The following PCSK6 variants were observed in gnomAD, a reference collection of about 807,000 sequenced individuals.
PCSK6 encodes paired basic amino acid cleaving enzyme 4.
A neutral mutation model predicts 123.3 loss-of-function variants in PCSK6; 85 were observed. The ratio of observed to expected loss-of-function variants is 0.69; its 90% CI spans 0.58 to 0.83. The LOEUF is 0.83. Among genes scored for constraint, PCSK6 ranks in the 40% least tolerant of loss-of-function variants. PCSK6 has a pLI of 0.00. For missense variants in PCSK6, 1,191 were observed against 1,282.3 expected (o/e 0.93, Z 1.09); for synonymous variants, 508 against 516.0 (o/e 0.98, Z 0.21).
chr15:101,362,510 G>A (rs1274989682), intron 13 of PCSK6, among the ~76,000 whole-genome samples: 1 of 152,166 alleles, frequency 6.6e-6, no homozygotes. Flanking sequence ...GCAGGGGTAT[G>A]TGCGAGAGGA....
chr15:101,405,340 G>A (rs1419449427), intron 6 of PCSK6, among the ~76,000 whole-genome samples: 3 of 152,222 alleles, frequency 2.0e-5, no homozygotes, highest in African/African-American at 7.2e-5. Flanking sequence ...TGGGCATGCT[G>A]GGTTCAGAGC....
At chr15:101,355,871 G>A (rs199713929) in intron 13 of PCSK6, among the ~76,000 whole-genome samples, 6 of 152,156 alleles carry the variant, frequency 3.9e-5, no homozygotes, top group African/African-American at 1.2e-4. Flanking sequence ...AACCACCAAC[G>A]TAGGCTCCGA....
chr15:101,389,556 C>T lies in PCSK6; in HGVS notation c.1218G>A (p.Thr406=), dbSNP rs1413678868. 7.4e-6 allele frequency: 12 copies of T among 1,611,148 alleles called. No homozygotes were observed. Among genetic ancestry groups the T allele is most frequent in the South Asian group, 1.1e-5 (1 of 90,924 alleles). ...GAFYERKIVT[T]DLRQRCTDGH... ...CATCGGTACAGCGCTGACGCAGATC[C>T]GTGGTGACCTGGGGGAGAGAGAAGC... The change falls in exon 9 of 22, where the codon ACG becomes ACA. Residue 406 remains threonine, a synonymous_variant. Coordinates refer to ENST00000611716, the MANE Select transcript of PCSK6 (RefSeq NM_002570.5).
At chr15:101,440,422 T>A (rs2141143875) in intron 2 of PCSK6, among the ~76,000 whole-genome samples, 1 of 151,598 alleles carries the variant, frequency 6.6e-6, no homozygotes, top group East Asian at 1.9e-4. Context: ...GTCCTGCTGC[T>A]GACACCCCCT....
At position 101,366,301 on chromosome 15, in the gene PCSK6, T is replaced by C. The variant is rs1596240234; in HGVS notation, c.1753A>G (p.Asn585Asp). The C allele has an allele frequency of 2.5e-6, 4 of 1,613,314 alleles. No individual in the cohort carries two copies. Among genetic ancestry groups the C allele is most frequent in the South Asian group, 1.1e-5 (1 of 90,912 alleles). The part of the protein sequence containing the change: ...LLDLSNEGFT[N>D]WEFMTVHCWG... Reference sequence around the variant, plus strand: ...CAGTGGACAGTCATGAATTCCCAGTTTGTAAACCCTTCATTGGAAAGATCC... The same window carrying C: ...CAGTGGACAGTCATGAATTCCCAGTCTGTAAACCCTTCATTGGAAAGATCC... The change falls in exon 13 of 22, where the codon AAC (asparagine) becomes GAC (aspartate). Residue 585 changes from asparagine (N) to aspartate (D), a missense_variant. Coordinates refer to ENST00000611716, the MANE Select transcript of PCSK6 (RefSeq NM_002570.5).
chr15:101,403,702 C>T (rs2042679424), intron 6 of PCSK6, among the ~76,000 whole-genome samples: 1 of 151,694 alleles, frequency 6.6e-6, no homozygotes, highest in Non-Finnish European at 1.5e-5. Flanking sequence ...ATTATTCATG[C>T]CATTGCCTTT....
At chr15:101,307,597 G>A (rs2039755228) in intron 20 of PCSK6, 3 of 392,438 alleles carry the variant, frequency 7.6e-6, no homozygotes, top group Admixed American at 3.8e-5. Flanking sequence ...AGGCCTCCGA[G>A]GCTTCCCGCA....
At chr15:101,306,782 C>G (rs995525603) in intron 21 of PCSK6, among the ~76,000 whole-genome samples, 2 of 152,238 alleles carry the variant, frequency 1.3e-5, no homozygotes, top group East Asian at 3.8e-4. Flanking sequence ...ATTGCTGCTG[C>G]TGAGCGTGTG....
intron 13 of PCSK6, among the ~76,000 whole-genome samples, chr15:101,342,945 G>A (rs1488941828): frequency 6.6e-6 from 1 of 152,008 alleles, no homozygotes; most frequent in East Asian, 1.9e-4. Flanking sequence ...AACAAAGTGG[G>A]GACTGTTTCC....
At position 101,408,126 on chromosome 15, in the gene PCSK6, T is replaced by C. The variant is rs2042833743; in HGVS notation, c.824-9550A>G. ...CAGGACAGCAGGCTTCTGAGCCAGA[T>C]GGAGCACCCGTACATCTGCACCACA... On this transcript the variant is annotated intron_variant, in intron 6 of 21. Coordinates refer to ENST00000611716, the MANE Select transcript of PCSK6 (RefSeq NM_002570.5). 3.3e-5 allele frequency among the ~76,000 whole-genome samples: 5 copies of C among 152,142 alleles called. 1 individual carries two copies. The highest frequency in any genetic ancestry group is 4.8e-5 in the African/African-American group (2 of 41,438).
At chr15:101,450,959 G>A (rs1215448106) in intron 1 of PCSK6, among the ~76,000 whole-genome samples, 1 of 151,732 alleles carries the variant, frequency 6.6e-6, no homozygotes, top group Non-Finnish European at 1.5e-5. Context: ...CACCAGCCAT[G>A]AGAAGAACTC....
intron 13 of PCSK6, among the ~76,000 whole-genome samples, chr15:101,360,447 G>A (rs966332802): frequency 6.6e-6 from 1 of 152,024 alleles, no homozygotes. Flanking sequence ...CTGCAGCCTC[G>A]GGGGCCTCTC....
chr15:101,331,721 G>A, intron 14 of PCSK6, 32 bp from the exon 15 acceptor site: 1 of 1,560,632 alleles, frequency 6.4e-7, no homozygotes, highest in Non-Finnish European at 8.6e-7. Flanking sequence ...TGATTATTAT[G>A]ACTCCCAGGC....
At chr15:101,479,447 G>C (rs891984075) in intron 1 of PCSK6, among the ~76,000 whole-genome samples, 52 of 152,212 alleles carry the variant, frequency 3.4e-4, no homozygotes, top group African/African-American at 1.1e-3. Context: ...GGGAGGCAGG[G>C]AAGCCAGTGA....
At chr15:101,328,162 C>T (rs1272255522) in intron 15 of PCSK6, among the ~76,000 whole-genome samples, 2 of 152,230 alleles carry the variant, frequency 1.3e-5, no homozygotes, top group Non-Finnish European at 2.9e-5. Context: ...TTCCCACCCT[C>T]GCAGCTGGCC....
At chr15:101,429,122 C>T (rs1230001403) in intron 5 of PCSK6, among the ~76,000 whole-genome samples, 1 of 152,154 alleles carries the variant, frequency 6.6e-6, no homozygotes, top group Non-Finnish European at 1.5e-5. Flanking sequence ...CGGGAGACGC[C>T]CCTCAGCAAG....
In PCSK6 at chr15:101,379,804, G is replaced by GAT. The variant is rs555977669; in HGVS notation, c.1532+2286_1532+2287dup. Among the ~76,000 whole-genome samples the GAT allele has an allele frequency of 6.8e-4, 103 of 152,336 alleles. No individual in the cohort carries two copies. In the Middle Eastern group the frequency reaches 0.01, roughly 15 times the overall value. On this transcript the variant is annotated intron_variant, in intron 11 of 21. Transcript: ENST00000611716. ...TGGGGAAAACTCGCATAGCTGTGGG[G>GAT]ATACTCGCGGCTCAGGTGCAGATGA... is the stretch of plus-strand genomic sequence containing the variant.
chr15:101,391,429 C>G (rs989650776), intron 8 of PCSK6, among the ~76,000 whole-genome samples: 2 of 152,176 alleles, frequency 1.3e-5, no homozygotes, highest in African/African-American at 4.8e-5. Context: ...AGGGGCCTAC[C>G]CTGGGAGGGA....
intron 2 of PCSK6, among the ~76,000 whole-genome samples, chr15:101,437,682 G>A (rs552667050): frequency 3.9e-5 from 6 of 152,296 alleles, no homozygotes; most frequent in Admixed American, 1.3e-4. Flanking sequence ...GGGACAGTGC[G>A]TGTGAAAGCT....
Sources: allele counts gnomAD v4.1 joint callset (sites outside exome capture counted in the v4.1 genomes callset), GRCh38; gene constraint gnomAD v4.1.1; transcripts MANE v1.5; gene names NCBI Gene and HGNC (gene_info 2026-07-23, HGNC 2026-07-21).